ITGAL: variants seen among roughly 807,000 people sequenced by gnomAD.
ITGAL encodes integrin subunit alpha L.
ITGAL carries 68 observed loss-of-function variants against 138.4 expected under a neutral mutation model. That is an observed-to-expected ratio of 0.49 (90% CI 0.40 to 0.60). The LOEUF is 0.60. ITGAL is among the 20% of genes least tolerant of loss of function. ITGAL has a pLI of 0.00. For missense variants in ITGAL, 1,256 were observed against 1,478.6 expected, an observed-to-expected ratio of 0.85 and a Z score of 2.47; for synonymous variants, 561 against 584.3, an observed-to-expected ratio of 0.96 and a Z score of 0.57.
chr16:30,482,832 T>G (rs1161452152), intron 7 of ITGAL, among the ~76,000 whole-genome samples: 2 of 152,076 alleles, frequency 1.3e-5, no homozygotes, highest in Non-Finnish European at 2.9e-5. Flanking sequence ...ATTTTCTTTT[T>G]CTTTTTTTTT....
At chr16:30,505,563 T>C in intron 20 of ITGAL, 101 bp downstream of exon 20, 3 of 885,004 alleles carry the variant, frequency 3.4e-6, no homozygotes, top group South Asian at 1.5e-5. Flanking sequence ...CTTCCCTCTC[T>C]TGGGCCTTAG....
chr16:30,517,096 G>A lies in ITGAL; in HGVS notation c.2976+10G>A. On this transcript the variant is annotated intron_variant, in intron 26 of 30. Coordinates refer to ENST00000356798, the MANE Select transcript of ITGAL (RefSeq NM_002209.3). ...GTGGAGCGTGCAGATGGTGAGTGCTGCCTGTAGAGGGAGGGTCTACCCTCC... is the reference window on the plus strand; with the variant it reads ...GTGGAGCGTGCAGATGGTGAGTGCTACCTGTAGAGGGAGGGTCTACCCTCC... 6.4e-7 allele frequency: 1 copy of A among 1,553,860 alleles called. No individual in the cohort carries two copies. The highest frequency in any genetic ancestry group is 8.8e-7 in the Non-Finnish European group (1 of 1,130,248).
intron 20 of ITGAL, among the ~76,000 whole-genome samples, chr16:30,505,930 C>T (rs1025898459): frequency 1.1e-4 from 17 of 152,264 alleles, no homozygotes; most frequent in African/African-American, 4.1e-4. Flanking sequence ...TCCTATCAGT[C>T]ATCAGTAAAT....
intron 21 of ITGAL, among the ~76,000 whole-genome samples, chr16:30,507,170 C>A (rs1212418833): frequency 6.6e-6 from 1 of 151,632 alleles, no homozygotes; most frequent in African/African-American, 2.4e-5. Context: ...TAAAAAAATA[C>A]AAAAATGGGC....
chr16:30,502,224 C>T (rs566675212), intron 17 of ITGAL, among the ~76,000 whole-genome samples: 12 of 150,872 alleles, frequency 8.0e-5, no homozygotes, highest in East Asian at 2.0e-4. Flanking sequence ...GGTGAAACCC[C>T]GTCTCTACTA....
Position 30,518,725 on chromosome 16 carries a change from T to C in ITGAL, c.3228+6T>C, listed in dbSNP as rs1333924171. On this transcript the variant is annotated splice_donor_region_variant and intron_variant, in intron 29 of 30. Coordinates refer to ENST00000356798, the MANE Select transcript of ITGAL (RefSeq NM_002209.3). ...GCAACGCCTCCCTGGCCCAGGTATC[T>C]CCACCTCCTTGGAAGCCCCAGGAAC... 2.5e-6 allele frequency: 4 copies of C among 1,603,096 alleles called. No homozygotes were observed. The highest frequency in any genetic ancestry group is 3.4e-6 in the Non-Finnish European group (4 of 1,170,214).
At chr16:30,512,199 G>A (rs1229118957) in intron 24 of ITGAL, among the ~76,000 whole-genome samples, 2 of 152,160 alleles carry the variant, frequency 1.3e-5, no homozygotes, top group African/African-American at 4.8e-5. Context: ...CCTATGGGCA[G>A]GAATGGGTAA....
Position 30,494,413 on chromosome 16 carries a change from A to G in ITGAL, c.1365+50A>G. 6.5e-7 allele frequency: 1 copy of G among 1,540,412 alleles called. No individual in the cohort carries two copies. The highest frequency in any genetic ancestry group is 8.8e-7 in the Non-Finnish European group (1 of 1,134,638). On this transcript the variant is annotated intron_variant, in intron 12 of 30. Transcript: ENST00000356798. This position sits in a 1 kb window ranked among gnomAD's most constrained non-coding sequence, Gnocchi z 4.2. ...CAGACCAGGGACTGGCGGGACACAC[A>G]TCACACTCCCTTCTGTCCTTTGAAT...
intron 9 of ITGAL, 120 bp from the exon 10 acceptor site, chr16:30,488,962 C>A: frequency 3.7e-6 from 3 of 818,958 alleles, no homozygotes; most frequent in Non-Finnish European, 6.3e-6. Context: ...CTGACCCTCA[C>A]ATGCATGCCT....
Position 30,473,827 on chromosome 16 carries a change from G to A in ITGAL, c.62-369G>A, listed in dbSNP as rs1475625540. The stretch of plus-strand genomic sequence containing the variant: ...GGGCCCCATGACCGCAGGAGAAGTG[G>A]GTGGCAGAGGCGCACCCGGCTCGGG... On this transcript the variant is annotated intron_variant, in intron 1 of 30. Coordinates refer to ENST00000356798, the MANE Select transcript of ITGAL (RefSeq NM_002209.3). 9.2e-6 allele frequency: 4 copies of A among 432,714 alleles called. No homozygotes were observed. The East Asian group carries it at 2.0e-4, about 21-fold the overall frequency. 26.8% of individuals were successfully genotyped at this position (432,714 alleles called of 1,614,324 possible).
intron 13 of ITGAL, among the ~76,000 whole-genome samples, 166 bp from the exon 14 acceptor site, chr16:30,495,931 A>T (rs1345323421): frequency 2.0e-5 from 3 of 152,178 alleles, no homozygotes; most frequent in African/African-American, 4.8e-5. Context: ...TCACAGTAAG[A>T]GGACAGTAAG....
intron 4 of ITGAL, among the ~76,000 whole-genome samples, chr16:30,476,268 C>A (rs1420632419): frequency 6.6e-6 from 1 of 151,700 alleles, no homozygotes; most frequent in Non-Finnish European, 1.5e-5. Context: ...AAAAAAGAAT[C>A]TTCCTGCCTC....
intron 9 of ITGAL, 55 bp from the exon 10 acceptor site, chr16:30,489,027 T>C: frequency 6.8e-7 from 1 of 1,473,962 alleles, no homozygotes; most frequent in South Asian, 1.1e-5. Flanking sequence ...CCATGAATTT[T>C]TTTCACTGCA....
chr16:30,521,803 A>G lies in ITGAL; in HGVS notation c.*138A>G. The G allele has an allele frequency of 3.8e-6, 3 of 786,944 alleles. No homozygotes were observed. The highest frequency in any genetic ancestry group is 5.8e-5 in the Admixed American group (2 of 34,580). 48.7% of individuals were successfully genotyped at this position (786,944 alleles called of 1,614,324 possible). On this transcript the variant is annotated 3_prime_UTR_variant, in exon 31 of 31. Coordinates refer to ENST00000356798, the MANE Select transcript of ITGAL (RefSeq NM_002209.3). Reference sequence around the variant, plus strand: ...GGCCCTCAGTTTCCCTATCTCGAACATGGAACTCATTCCTGCCTGTCTCCT... The same window carrying G: ...GGCCCTCAGTTTCCCTATCTCGAACGTGGAACTCATTCCTGCCTGTCTCCT...
rs2050773954 is a variant in ITGAL at position 30,494,605 on chromosome 16, G to A, written c.1366-108G>A. The stretch of plus-strand genomic sequence containing the variant: ...TAGACTAGGGGTGGATCCAAGATTG[G>A]AACCTGCATTTGAGGGAGTGGCACA... On this transcript the variant is annotated intron_variant, in intron 12 of 30. Coordinates refer to ENST00000356798, the MANE Select transcript of ITGAL (RefSeq NM_002209.3). The surrounding 1 kb of genome is among the most constrained non-coding windows in gnomAD (Gnocchi z 4.2). The A allele has an allele frequency of 2.2e-6, 3 of 1,363,642 alleles. No homozygotes were observed. The highest frequency in any genetic ancestry group is 3.0e-6 in the Non-Finnish European group (3 of 1,014,836). 84.5% of individuals were successfully genotyped at this position (1,363,642 alleles called of 1,614,324 possible).
intron 15 of ITGAL, among the ~76,000 whole-genome samples, chr16:30,498,346 C>T (rs1269272405): frequency 6.6e-6 from 1 of 151,306 alleles, no homozygotes; most frequent in East Asian, 1.9e-4. Flanking sequence ...ACAAGAGGAT[C>T]GCTGGAGGCC....
chr16:30,506,960 C>A, intron 21 of ITGAL, 104 bp downstream of exon 21: 5 of 1,299,890 alleles, frequency 3.8e-6, no homozygotes, highest in Non-Finnish European at 5.4e-6. Flanking sequence ...TGGGCAGCTG[C>A]GGGTGGACAG....
chr16:30,518,382 G>A (rs1048786247), intron 28 of ITGAL, among the ~76,000 whole-genome samples: 2 of 151,508 alleles, frequency 1.3e-5, no homozygotes. Flanking sequence ...CCGGGAGGCA[G>A]AGGTTGCAGT....
At chr16:30,514,829 T>TC (rs1287817748) in intron 25 of ITGAL, among the ~76,000 whole-genome samples, 1 of 149,858 alleles carries the variant, frequency 6.7e-6, no homozygotes, top group African/African-American at 2.4e-5. Flanking sequence ...TCTTTTCTTT[T>TC]TTTTTTTTTT....
Sources: allele counts gnomAD v4.1 joint callset (sites outside exome capture counted in the v4.1 genomes callset), GRCh38; gene constraint gnomAD v4.1.1; non-coding constraint Gnocchi (gnomAD v3.1); transcripts MANE v1.5; gene names NCBI Gene and HGNC (gene_info 2026-07-23, HGNC 2026-07-21).